Variants in MED16 observed in about 807,000 individuals in gnomAD.
The protein encoded by MED16 is mediator of RNA polymerase II transcription subunit 16.
MED16 carries 81 observed loss-of-function variants against 84.4 expected under a neutral mutation model. The ratio of observed to expected loss-of-function variants is 0.96; its 90% CI spans 0.80 to 1.15. MED16 has a LOEUF of 1.15. MED16 is among the 50% of genes most tolerant of loss of function. The pLI, the probability that MED16 is intolerant of heterozygous loss-of-function variation, is 0.00. For missense variants in MED16, 1,585 were observed against 1,245.9 expected (o/e 1.27, Z -4.10); for synonymous variants, 897 against 552.2 (o/e 1.62, Z -8.76).
At chr19:888,524 C>CAAAAAAAAAAAAAA (rs34583289) in intron 4 of MED16, among the ~76,000 whole-genome samples, 1 of 96,962 alleles carries the variant, frequency 1.0e-5, no homozygotes, top group Non-Finnish European at 2.1e-5. Flanking sequence ...ACTCTGTCTC[C>CAAAAAAAAAAAAAA]AAAAAAAAAA....
chr19:868,644 G>GCCCATGCTTCTCCT lies in MED16; in HGVS notation c.2400-159_2400-146dup, dbSNP rs1188988941. 577 of 1,220,192 alleles carry GCCCATGCTTCTCCT rather than the reference G, an allele frequency of 4.7e-4. 5 individuals are homozygous for GCCCATGCTTCTCCT. The highest frequency in any genetic ancestry group is 3.4e-3 in the South Asian group (246 of 71,394). The allele number at this position is 1,220,192 out of a possible 1,614,324, so 75.6% of individuals were successfully genotyped here. A position where few individuals can be genotyped will look rare whatever the true frequency, so the allele number is the denominator to read the frequency against. ...CGTCCCCACCTGCCACAGGGCCTCT[G>GCCCATGCTTCTCCT]CCCATGCTTCTCCTCCCCCCAGCAA... On this transcript the variant is annotated intron_variant, in intron 14 of 15. Transcript: ENST00000325464.
chr19:883,019 C>T (rs1309242132), intron 6 of MED16, among the ~76,000 whole-genome samples: 1 of 152,220 alleles, frequency 6.6e-6, no homozygotes, highest in Non-Finnish European at 1.5e-5. Context: ...AAACTCAACG[C>T]CCCAGCGCCG....
intron 11 of MED16, among the ~76,000 whole-genome samples, chr19:872,529 A>G (rs1423553186): frequency 6.6e-6 from 1 of 151,930 alleles, no homozygotes; most frequent in East Asian, 1.9e-4. Context: ...CCCCACAAAA[A>G]GAAGAGAGGG....
chr19:889,822 C>G lies in MED16; in HGVS notation c.278-15G>C. 1 of 1,602,744 alleles carries G rather than the reference C, an allele frequency of 6.2e-7. No homozygotes were observed. Among genetic ancestry groups the G allele is most frequent in the Non-Finnish European group, 8.5e-7 (1 of 1,175,848 alleles). ...GAGCCGGGAGCCTGAGGGCAAGAAG[C>G]CATCATTGCGAACCTTCCAGGGATG... On this transcript the variant is annotated splice_polypyrimidine_tract_variant and intron_variant, in intron 3 of 15. Coordinates refer to ENST00000325464, the MANE Select transcript of MED16 (RefSeq NM_005481.3).
In MED16 at chr19:868,253, T is replaced by C. The variant is rs1413506392; in HGVS notation, c.2484-2A>G. On this transcript the variant is annotated splice_acceptor_variant, in intron 15 of 15. Coordinates refer to ENST00000325464, the MANE Select transcript of MED16 (RefSeq NM_005481.3). LOFTEE classifies it high-confidence loss of function. ...TCCGGCCCACGGCCTTCAACAGCCC[T>C]GCAGGGCGGGCTGAGGTTAACCGCG... 1 of 1,593,750 alleles carries C rather than the reference T, an allele frequency of 6.3e-7. No homozygotes were observed. The highest frequency in any genetic ancestry group is 1.1e-5 in the South Asian group (1 of 89,136).
At chr19:872,160 C>A (rs780780947) in intron 11 of MED16, 42 bp from the exon 12 acceptor site, 20 of 1,540,750 alleles carry the variant, frequency 1.3e-5, no homozygotes, top group Non-Finnish European at 1.5e-5. Flanking sequence ...CGGCGGGGGG[C>A]AGATGGCGAT....
chr19:876,148 C>T (rs1213160645), intron 9 of MED16, among the ~76,000 whole-genome samples: 21 of 151,778 alleles, frequency 1.4e-4, no homozygotes, highest in Admixed American at 1.4e-3. Context: ...TTTTTTTTTC[C>T]CATTTTATCT....
intron 13 of MED16, 143 bp from the exon 14 acceptor site, chr19:869,089 G>C: frequency 1.4e-6 from 1 of 713,316 alleles, no homozygotes; most frequent in Non-Finnish European, 2.2e-6. Context: ...TGTGAACAGT[G>C]AGGTGGGAGG....
At chr19:875,503 C>G in intron 9 of MED16, 49 bp from the exon 10 acceptor site, 2 of 1,454,926 alleles carry the variant, frequency 1.4e-6, no homozygotes, top group Non-Finnish European at 1.9e-6. Flanking sequence ...CAGAGGCGCC[C>G]GCCAAGGCTC....
intron 13 of MED16, 114 bp downstream of exon 13, chr19:870,923 G>T: frequency 9.2e-7 from 1 of 1,085,122 alleles, no homozygotes; most frequent in Non-Finnish European, 1.3e-6. Context: ...GTGTGGATTC[G>T]GGGGGACCTG....
intron 4 of MED16, among the ~76,000 whole-genome samples, chr19:888,899 G>A (rs546038895): frequency 7.9e-5 from 12 of 152,284 alleles, no homozygotes; most frequent in South Asian, 2.1e-4. Context: ...ACAAGCAGAC[G>A]CACAGAGGCA....
At chr19:874,972 G>A (rs973856796) in intron 10 of MED16, among the ~76,000 whole-genome samples, 1 of 151,288 alleles carries the variant, frequency 6.6e-6, no homozygotes, top group Non-Finnish European at 1.5e-5. Flanking sequence ...AGACCAGCCT[G>A]GCCAACATGG....
chr19:871,310 C>T, intron 12 of MED16, 57 bp from the exon 13 acceptor site: 1 of 1,476,774 alleles, frequency 6.8e-7, no homozygotes. Flanking sequence ...CGCCCGGCCA[C>T]CCGGGACGTG....
At chr19:890,038 A>G (rs1245081713) in intron 3 of MED16, 99 bp downstream of exon 3, 3 of 954,006 alleles carry the variant, frequency 3.1e-6, no homozygotes, top group Non-Finnish European at 4.7e-6. Flanking sequence ...CAGGGGCTCT[A>G]GACCCAGCGC....
intron 4 of MED16, 78 bp downstream of exon 4, chr19:889,558 GGA>G: frequency 6.6e-7 from 1 of 1,509,328 alleles, no homozygotes; most frequent in South Asian, 1.3e-5. Flanking sequence ...TGCTGGTGAT[GGA>G]GAGGAGAGGG....
rs1313627802 is a variant in MED16, at chr19:879,960, C to T, written c.1330G>A (p.Val444Met). 2 of 1,605,768 alleles carry T rather than the reference C, an allele frequency of 1.2e-6. No homozygotes were observed. The highest frequency in any genetic ancestry group is 1.7e-6 in the Non-Finnish European group (2 of 1,177,196). The change falls in exon 8 of 16, where the codon GTG becomes ATG. Residue 444 changes from valine to methionine, a missense_variant. Val to Met is a conservative substitution (Grantham distance 21). Transcript: ENST00000325464. ...MQLSWTSLALVGIDSHGKLSV... is the reference protein window; with the variant it reads ...MQLSWTSLALMGIDSHGKLSV... ...ACCTTCCCGTGGCTGTCAATCCCCA[C>T]CAGGGCCAGTGACGTCCACGATAGC...
intron 3 of MED16, 90 bp from the exon 4 acceptor site, chr19:889,897 C>T: frequency 6.9e-7 from 1 of 1,454,756 alleles, no homozygotes; most frequent in Non-Finnish European, 9.2e-7. Context: ...GAAGCCAGCC[C>T]AGTGGAGAGG....
intron 6 of MED16, 114 bp from the exon 7 acceptor site, chr19:881,828 T>A (rs971969027): frequency 1.6e-6 from 2 of 1,278,878 alleles, no homozygotes; most frequent in African/African-American, 1.5e-5. Context: ...TTCCCAGGTC[T>A]CATGCCGCCC....
chr19:868,614 C>T (rs1016003905), intron 14 of MED16, 115 bp from the exon 15 acceptor site: 3 of 1,356,024 alleles, frequency 2.2e-6, no homozygotes, highest in Non-Finnish European at 3.0e-6. Flanking sequence ...CACGCCTGCT[C>T]CCCACGTCCC....
Sources: allele counts gnomAD v4.1 joint callset (sites outside exome capture counted in the v4.1 genomes callset), GRCh38; gene constraint gnomAD v4.1.1; transcripts MANE v1.5; gene names NCBI Gene and HGNC (gene_info 2026-07-23, HGNC 2026-07-21).